Variants in CTNNA3 observed in about 807,000 individuals in gnomAD.
The protein encoded by CTNNA3 is catenin alpha 3.
Under a neutral mutation model 95.7 loss-of-function variants are expected in CTNNA3, and 76 were observed. The ratio of observed to expected loss-of-function variants is 0.79; its 90% CI spans 0.66 to 0.96. The LOEUF is 0.96. CTNNA3 is among the 40% of genes least tolerant of loss of function. CTNNA3 has a pLI of 0.00. For missense variants in CTNNA3, 1,191 were observed against 1,089.8 expected (o/e 1.09, Z -1.31); for synonymous variants, 431 against 374.4 (o/e 1.15, Z -1.74).
chr10:67,240,228 A>G (rs1865665826), intron 5 of CTNNA3, among the ~76,000 whole-genome samples: 1 of 152,210 alleles, frequency 6.6e-6, no homozygotes, highest in African/African-American at 2.4e-5. Context: ...AAGCCCATGT[A>G]TACTTTGCTA....
chr10:65,966,631 C>A lies in CTNNA3; in HGVS notation c.2381G>T (p.Gly794Val). Residue 794 changes from glycine to valine, a missense_variant, in exon 17 of 18, where the codon GGA becomes GTA. Physicochemically the swap from Gly to Val is moderately radical, Grantham distance 109 (BLOSUM62 -3). Transcript: ENST00000433211. ...ACTCACAGCTGACATGATGAGCTCTCCTCCCAGGTTCTGGATCTCAGCTTT... is the reference window on the plus strand; with the variant it reads ...ACTCACAGCTGACATGATGAGCTCTACTCCCAGGTTCTGGATCTCAGCTTT... ...QVKAEIQNLG[G>V]ELIMSALDSV... is the part of the protein sequence containing the mutation. 1 of 1,613,770 alleles carries A rather than the reference C, an allele frequency of 6.2e-7. No homozygotes were observed. The highest frequency in any genetic ancestry group is 8.5e-7 in the Non-Finnish European group (1 of 1,179,772).
intron 10 of CTNNA3, among the ~76,000 whole-genome samples, chr10:66,556,399 G>A (rs891556068): frequency 6.6e-6 from 1 of 152,040 alleles, no homozygotes; most frequent in Non-Finnish European, 1.5e-5. Flanking sequence ...ATCGCGAAGA[G>A]ATTTCTGTAC....
chr10:67,251,535 T>C (rs900322641), intron 5 of CTNNA3, among the ~76,000 whole-genome samples: 3 of 152,146 alleles, frequency 2.0e-5, no homozygotes, highest in Non-Finnish European at 2.9e-5. Flanking sequence ...CCCATACATA[T>C]GTCATCAGAA....
chr10:66,090,791 C>A (rs931677238), intron 14 of CTNNA3, among the ~76,000 whole-genome samples: 2 of 151,914 alleles, frequency 1.3e-5, no homozygotes, highest in Non-Finnish European at 2.9e-5. Flanking sequence ...GGATTTTAGC[C>A]AAGCTTTAGA....
intron 7 of CTNNA3, among the ~76,000 whole-genome samples, chr10:67,125,175 A>G (rs1332694919): frequency 2.0e-5 from 3 of 152,172 alleles, no homozygotes; most frequent in Non-Finnish European, 4.4e-5. Context: ...CGTTTTTTCA[A>G]TAGTCACTAT....
chr10:67,369,345 T>C (rs1843331202), intron 5 of CTNNA3, among the ~76,000 whole-genome samples: 1 of 152,094 alleles, frequency 6.6e-6, no homozygotes, highest in South Asian at 2.1e-4. Flanking sequence ...TAAGATTGAA[T>C]CCATACCTCA....
intron 10 of CTNNA3, among the ~76,000 whole-genome samples, chr10:66,602,245 T>A (rs1338264316): frequency 6.6e-6 from 1 of 151,934 alleles, no homozygotes; most frequent in Non-Finnish European, 1.5e-5. Context: ...TGGTTAAACA[T>A]CCTACTACAA....
At chr10:67,144,230 G>A (rs1318222490) in intron 7 of CTNNA3, among the ~76,000 whole-genome samples, 2 of 152,184 alleles carry the variant, frequency 1.3e-5, no homozygotes, top group Non-Finnish European at 2.9e-5. Context: ...AAACAGACAC[G>A]CTGCCATCTA....
At chr10:66,971,911 A>T (rs1173215155) in intron 7 of CTNNA3, among the ~76,000 whole-genome samples, 1 of 151,548 alleles carries the variant, frequency 6.6e-6, no homozygotes, top group Non-Finnish European at 1.5e-5. Flanking sequence ...TTTTTTTTTT[A>T]AACATGCTAA....
At chr10:66,642,587 T>C (rs145751390) in intron 9 of CTNNA3, among the ~76,000 whole-genome samples, 43 of 152,266 alleles carry the variant, frequency 2.8e-4, no homozygotes, top group African/African-American at 9.6e-4. Flanking sequence ...AGCTTTACTA[T>C]TCCCTTGGCT....
intron 7 of CTNNA3, among the ~76,000 whole-genome samples, chr10:67,109,249 T>C (rs1048526492): frequency 6.6e-6 from 1 of 152,192 alleles, no homozygotes; most frequent in Non-Finnish European, 1.5e-5. Flanking sequence ...AAATATTTCA[T>C]TTAAAAAGTA....
chr10:66,130,695 C>A (rs572482987), intron 13 of CTNNA3, among the ~76,000 whole-genome samples: 1 of 150,866 alleles, frequency 6.6e-6, no homozygotes, highest in African/African-American at 2.4e-5. Flanking sequence ...ATACAAAAAA[C>A]GAGCCAAAAA....
chr10:66,515,809 GA>G (rs1385491261), intron 11 of CTNNA3, among the ~76,000 whole-genome samples: 2 of 151,946 alleles, frequency 1.3e-5, no homozygotes, highest in Non-Finnish European at 2.9e-5. Context: ...CAGGATGGGG[GA>G]AACCACCCCT....
intron 5 of CTNNA3, among the ~76,000 whole-genome samples, chr10:67,425,604 G>A (rs1845896864): frequency 6.6e-6 from 1 of 151,960 alleles, no homozygotes; most frequent in Non-Finnish European, 1.5e-5. Context: ...CAAATATGGT[G>A]GCAAGCAATA....
intron 10 of CTNNA3, among the ~76,000 whole-genome samples, chr10:66,567,546 G>A (rs917477712): frequency 6.6e-6 from 1 of 152,038 alleles, no homozygotes; most frequent in African/African-American, 2.4e-5. Context: ...TTAAGCCCAG[G>A]AAGTAGAGAC....
intron 5 of CTNNA3, among the ~76,000 whole-genome samples, chr10:67,328,282 T>A (rs145471680): frequency 6.6e-6 from 1 of 152,100 alleles, no homozygotes. Context: ...GCAGAAGCTA[T>A]GGTGTGGGAC....
At chr10:66,549,330 A>G (rs1423268850) in intron 10 of CTNNA3, among the ~76,000 whole-genome samples, 2 of 152,162 alleles carry the variant, frequency 1.3e-5, no homozygotes, top group Admixed American at 6.5e-5. Flanking sequence ...TGAATTAACC[A>G]GTGAAATCAT....
chr10:66,567,550 T>C (rs1842750078), intron 10 of CTNNA3, among the ~76,000 whole-genome samples: 3 of 151,926 alleles, frequency 2.0e-5, no homozygotes, highest in Admixed American at 6.6e-5. Context: ...GCCCAGGAAG[T>C]AGAGACTGCG....
chr10:65,961,520 G>A (rs2077842718), intron 17 of CTNNA3, among the ~76,000 whole-genome samples: 1 of 152,066 alleles, frequency 6.6e-6, no homozygotes, highest in Non-Finnish European at 1.5e-5. Context: ...GGGAATATGT[G>A]CAAAAATATG....
Sources: allele counts gnomAD v4.1 joint callset (sites outside exome capture counted in the v4.1 genomes callset), GRCh38; gene constraint gnomAD v4.1.1; transcripts MANE v1.5; gene names NCBI Gene and HGNC (gene_info 2026-07-23, HGNC 2026-07-21).